KIN: variants seen among roughly 807,000 people sequenced by gnomAD.
The protein encoded by KIN is Kin17 DNA and RNA binding protein.
KIN carries 47 observed loss-of-function variants against 63.0 expected under a neutral mutation model. The observed-to-expected ratio is 0.75, with a 90% CI of 0.59 to 0.95. The LOEUF (loss-of-function observed/expected upper bound fraction) is 0.95. KIN is among the 40% of genes least tolerant of loss of function. KIN has a pLI of 0.00. For synonymous variants in KIN, 160 were observed against 157.7 expected (o/e 1.01, Z -0.11); for missense variants, 408 against 460.9 (o/e 0.89, Z 1.05).
intron 1 of KIN, among the ~76,000 whole-genome samples, chr10:7,785,680 C>T (rs1835986989): frequency 6.6e-6 from 1 of 151,816 alleles, no homozygotes; most frequent in Non-Finnish European, 1.5e-5. Flanking sequence ...GTAATCCCAG[C>T]CTGTAAAGTA....
rs768188044 is a variant in KIN, at chr10:7,779,022, T to TA, written c.377-4dup. On this transcript the variant is annotated splice_region_variant and splice_polypyrimidine_tract_variant and intron_variant, in intron 4 of 12. Transcript: ENST00000379562. ...TGTCTCGTCCACTTTGCACAAGCCT[T>TA]AAAAAAACAGCCACTGCCATAAATT... 6.2e-7 allele frequency: 1 copy of TA among 1,600,716 alleles called. No individual in the cohort carries two copies. The highest frequency in any genetic ancestry group is 2.2e-5 in the East Asian group (1 of 44,780).
At position 7,787,704 on chromosome 10, in the gene KIN, C is replaced by G. The variant is rs878862728; in HGVS notation, c.114+116G>C. On this transcript the variant is annotated intron_variant, in intron 1 of 12. Coordinates refer to ENST00000379562, the MANE Select transcript of KIN (RefSeq NM_012311.4). Reference sequence around the variant, plus strand: ...CTCGCCCACTGCAGACCTCAGAAGCCTCACGACCCGGACCCCGGGAGCCCC... The same window carrying G: ...CTCGCCCACTGCAGACCTCAGAAGCGTCACGACCCGGACCCCGGGAGCCCC... 97 of 792,192 alleles carry G rather than the reference C, an allele frequency of 1.2e-4. 2 individuals are homozygous for G. Among genetic ancestry groups the G allele is most frequent in the South Asian group, 1.2e-3 (86 of 70,562 alleles). The allele number at this position is 792,192 out of a possible 1,614,324, so 49.1% of individuals were successfully genotyped here. A position where few individuals can be genotyped will look rare whatever the true frequency, so the allele number is the denominator to read the frequency against.
intron 6 of KIN, 24 bp from the exon 7 acceptor site, chr10:7,774,915 A>G (rs773467631): frequency 6.5e-7 from 1 of 1,541,080 alleles, no homozygotes; most frequent in South Asian, 1.1e-5. Context: ...ATGTTATTCC[A>G]TACATACATT....
At chr10:7,772,393 T>A (rs1206648342) in intron 7 of KIN, among the ~76,000 whole-genome samples, 2 of 152,202 alleles carry the variant, frequency 1.3e-5, no homozygotes, top group African/African-American at 4.8e-5. Flanking sequence ...ACAGCCCTCA[T>A]TTTTGCTTTC....
At position 7,766,091 on chromosome 10, in the gene KIN, T is replaced by C; in HGVS notation, c.811A>G (p.Lys271Glu). ...LDEIMEIEEEKKRTARTDYWL... is the reference protein window; with the variant it reads ...LDEIMEIEEEEKRTARTDYWL... ...TAGTCTGTTCGGGCAGTTCTTTTCT[T>C]TTCCTCTTCAATCTGTAGAACACAT... is the stretch of plus-strand genomic sequence containing the variant. Residue 271 changes from lysine to glutamate, a missense_variant, in exon 9 of 13, where the codon AAG becomes GAG. Physicochemically the swap from Lys to Glu is moderately conservative, Grantham distance 56. Around this residue, in one of 2 missense-constraint regions of KIN, gnomAD observed 298 missense variants for 296.0 expected, o/e 1.01. Transcript: ENST00000379562. 5 of 1,610,080 alleles carry C rather than the reference T, an allele frequency of 3.1e-6. No homozygotes were observed. The highest frequency in any genetic ancestry group is 4.2e-6 in the Non-Finnish European group (5 of 1,177,346).
At chr10:7,761,506 A>G (rs1835435932) in intron 11 of KIN, 1 of 152,218 alleles carries the variant, frequency 6.6e-6, no homozygotes, top group Non-Finnish European at 1.5e-5. Context: ...AGAGAGCTAA[A>G]CAAATACATC....
rs1835313961 is a variant in KIN at position 7,755,384 on chromosome 10, G to A, written c.*696C>T. 2 of 152,148 alleles carry A rather than the reference G, an allele frequency of 1.3e-5. No homozygotes were observed. The highest frequency in any genetic ancestry group is 2.1e-4 in the South Asian group (1 of 4,830). The allele number at this position is 152,148 out of a possible 1,614,324, so 9.4% of individuals were successfully genotyped here. ...GAAAACATGATGCTAAGTGTAAGAAGCCAGTCATAAAAGATCACATATTAT... is the reference window on the plus strand; with the variant it reads ...GAAAACATGATGCTAAGTGTAAGAAACCAGTCATAAAAGATCACATATTAT... On this transcript the variant is annotated 3_prime_UTR_variant, in exon 13 of 13. Transcript: ENST00000379562.
At chr10:7,775,862 C>T (rs1402334607) in intron 5 of KIN, 63 bp from the exon 6 acceptor site, 5 of 929,742 alleles carry the variant, frequency 5.4e-6, no homozygotes, top group Non-Finnish European at 8.2e-6. Context: ...ATTCAATAGG[C>T]CTAAATTATG....
intron 7 of KIN, among the ~76,000 whole-genome samples, chr10:7,771,619 G>T (rs750830746): frequency 6.6e-6 from 1 of 152,102 alleles, no homozygotes; most frequent in African/African-American, 2.4e-5. Context: ...TGGGCCGGGC[G>T]CGGTGGCTCA....
At position 7,766,090 on chromosome 10, in the gene KIN, T is replaced by A; in HGVS notation, c.812A>T (p.Lys271Met). 3 of 1,610,310 alleles carry A rather than the reference T, an allele frequency of 1.9e-6. No homozygotes were observed. The highest frequency in any genetic ancestry group is 2.5e-6 in the Non-Finnish European group (3 of 1,177,516). ...GTAGTCTGTTCGGGCAGTTCTTTTC[T>A]TTTCCTCTTCAATCTGTAGAACACA... is the stretch of plus-strand genomic sequence containing the variant. ...LDEIMEIEEE[K>M]KRTARTDYWL... Residue 271 changes from lysine (K) to methionine (M), a missense_variant, in exon 9 of 13, where the codon AAG becomes ATG. Physicochemically the swap from Lys to Met is moderately conservative, Grantham distance 95 (BLOSUM62 -1). Transcript: ENST00000379562.
intron 11 of KIN, among the ~76,000 whole-genome samples, chr10:7,761,961 G>A (rs576496020): frequency 3.9e-5 from 6 of 152,032 alleles, no homozygotes; most frequent in East Asian, 3.9e-4. Context: ...AGATCGTGCC[G>A]CCACACTCCA....
rs1835252994 is a variant in KIN, at chr10:7,752,020, C to T, written c.*4060G>A. 1.8e-5 allele frequency: 2 copies of T among 114,132 alleles called. 1 individual carries two copies. The highest frequency in any genetic ancestry group is 6.8e-5 in the African/African-American group (2 of 29,288). The allele number at this position is 114,132 out of a possible 1,614,324, so 7.1% of individuals were successfully genotyped here. ...ACTGCAGTCCGCAGTCCGGCCTGGG[C>T]GACAGAGCGAGACTCCGTCTCAAAA... On this transcript the variant is annotated 3_prime_UTR_variant, in exon 13 of 13. Transcript: ENST00000379562.
chr10:7,766,928 G>C (rs1040610948), intron 8 of KIN, among the ~76,000 whole-genome samples: 1 of 151,466 alleles, frequency 6.6e-6, no homozygotes, highest in Admixed American at 6.6e-5. Context: ...AGGCTGAGAC[G>C]TGAGAATTGC....
At chr10:7,771,565 T>A (rs891371259) in intron 7 of KIN, among the ~76,000 whole-genome samples, 2 of 152,196 alleles carry the variant, frequency 1.3e-5, no homozygotes, top group Non-Finnish European at 2.9e-5. Flanking sequence ...GCTTAGACAC[T>A]TGAGTTTATT....
chr10:7,767,865 C>CAAAA (rs59238687), intron 8 of KIN, among the ~76,000 whole-genome samples: 2 of 69,094 alleles, frequency 2.9e-5, no homozygotes, highest in Non-Finnish European at 6.5e-5. Flanking sequence ...GACTCCGTCT[C>CAAAA]AAAAAAAAAA....
At chr10:7,775,615 A>T (rs1001473377) in intron 6 of KIN, 136 bp downstream of exon 6, 1 of 479,692 alleles carries the variant, frequency 2.1e-6, no homozygotes, top group Non-Finnish European at 3.7e-6. Context: ...TTACCTTTTC[A>T]TTAAATTAAT....
chr10:7,765,483 T>C (rs1835526052), intron 9 of KIN, among the ~76,000 whole-genome samples: 1 of 152,168 alleles, frequency 6.6e-6, no homozygotes, highest in African/African-American at 2.4e-5. Flanking sequence ...GAAAATGTCA[T>C]GTCTCAGTAA....
chr10:7,762,231 A>G (rs1835448971), intron 11 of KIN, among the ~76,000 whole-genome samples: 1 of 152,116 alleles, frequency 6.6e-6, no homozygotes, highest in South Asian at 2.1e-4. Flanking sequence ...AAAAAAAAAA[A>G]AAGTATTCCA....
intron 5 of KIN, among the ~76,000 whole-genome samples, chr10:7,776,708 G>A (rs1835781879): frequency 6.8e-6 from 1 of 147,462 alleles, no homozygotes. Context: ...TCCCCAGCCT[G>A]GGTGACAGAG....
Sources: allele counts gnomAD v4.1 joint callset (sites outside exome capture counted in the v4.1 genomes callset), GRCh38; gene constraint gnomAD v4.1.1; regional missense constraint gnomAD v4.1.1; transcripts MANE v1.5; gene names NCBI Gene and HGNC (gene_info 2026-07-23, HGNC 2026-07-21).